Variants in ZNF169 observed in about 807,000 individuals in gnomAD.
The protein encoded by ZNF169 is zinc finger protein 169.
Under a neutral mutation model 12.0 loss-of-function variants are expected in ZNF169, and 11 were observed. The ratio of observed to expected loss-of-function variants is 0.92; its 90% CI spans 0.58 to 1.52. The LOEUF is 1.52. ZNF169 is among the 40% of genes most tolerant of loss of function. The pLI is 0.00. For missense variants in ZNF169, 722 were observed against 744.0 expected, an observed-to-expected ratio of 0.97 and a Z score of 0.34; for synonymous variants, 302 against 286.5, an observed-to-expected ratio of 1.05 and a Z score of -0.55.
chr9:94,300,760 C>G lies in ZNF169; in HGVS notation c.1202C>G (p.Pro401Arg), dbSNP rs775503911. ...CAGGTCACACACTCAGGAGAGAAGC[C>G]TTATGTCTGTGCTGAGTGTGGGCAC... ...SHQVTHSGEK[P>R]YVCAECGHSF... is the part of the protein sequence containing the mutation. The change falls in exon 5 of 5, where the codon CCT (proline) becomes CGT (arginine). Residue 401 changes from proline (P) to arginine (R), a missense_variant. By Grantham distance (103) the Pro-to-Arg change is moderately radical. Transcript: ENST00000395395. The G allele has an allele frequency of 6.2e-6, 10 of 1,613,626 alleles. No homozygotes were observed. In the South Asian group the frequency reaches 1.1e-4, roughly 18 times the overall value.
At chr9:94,261,091 G>C (rs368376774) in intron 1 of ZNF169, among the ~76,000 whole-genome samples, 1 of 151,822 alleles carries the variant, frequency 6.6e-6, no homozygotes, top group African/African-American at 2.4e-5. Context: ...GAGTGCAGTG[G>C]GGTGGCGCGG....
chr9:94,301,189 G>A lies in ZNF169; in HGVS notation c.1631G>A (p.Cys544Tyr), dbSNP rs1245828950. The part of the protein sequence containing the change: ...RTHSGEKPCI[C>Y]DECGRGFGFK... ...CACTCAGGAGAGAAGCCCTGCATTTGCGATGAATGTGGGCGCGGCTTTGGC... is the reference window on the plus strand; with the variant it reads ...CACTCAGGAGAGAAGCCCTGCATTTACGATGAATGTGGGCGCGGCTTTGGC... Residue 544 changes from cysteine to tyrosine, a missense_variant, in exon 5 of 5, where the codon TGC becomes TAC. Transcript: ENST00000395395. 1 of 1,614,224 alleles carries A rather than the reference G, an allele frequency of 6.2e-7. No homozygotes were observed. Among genetic ancestry groups the A allele is most frequent in the South Asian group, 1.1e-5 (1 of 91,086 alleles).
chr9:94,281,309 A>T (rs927412065), intron 2 of ZNF169, among the ~76,000 whole-genome samples: 1 of 152,184 alleles, frequency 6.6e-6, no homozygotes, highest in Non-Finnish European at 1.5e-5. Context: ...GAAAAACCTG[A>T]CCTTTATGCA....
chr9:94,299,511 G>C (rs1481483116), intron 4 of ZNF169: 1 of 1,303,910 alleles, frequency 7.7e-7, no homozygotes, highest in Non-Finnish European at 9.7e-7. Context: ...CTCAGGCAAG[G>C]TTTAATAGGC....
chr9:94,270,726 AT>A (rs1830381438), intron 1 of ZNF169, among the ~76,000 whole-genome samples: 1 of 18,772 alleles, frequency 5.3e-5, no homozygotes, highest in Non-Finnish European at 2.4e-4. Flanking sequence ...ATAATATTAT[AT>A]ATTATATAAT....
At chr9:94,260,093 T>A (rs1444027190) in intron 1 of ZNF169, among the ~76,000 whole-genome samples, 2 of 142,940 alleles carry the variant, frequency 1.4e-5, no homozygotes, top group Non-Finnish European at 3.1e-5. Context: ...TTGGTTTTTG[T>A]TTTGTTTTGT....
At chr9:94,291,135 A>C (rs1415279352) in intron 2 of ZNF169, among the ~76,000 whole-genome samples, 1 of 136,768 alleles carries the variant, frequency 7.3e-6, no homozygotes, top group African/African-American at 2.7e-5. Context: ...GCTCACTGCA[A>C]CCTCCGCCTC....
intron 2 of ZNF169, among the ~76,000 whole-genome samples, chr9:94,280,735 C>T (rs1384976493): frequency 6.6e-6 from 1 of 152,028 alleles, no homozygotes; most frequent in Admixed American, 6.6e-5. Flanking sequence ...AGGGTTGGAC[C>T]GCACAGTCTA....
Position 94,300,366 on chromosome 9 carries a change from C to T in ZNF169, c.808C>T (p.Arg270Trp), listed in dbSNP as rs184384529. Residue 270 changes from arginine to tryptophan, a missense_variant, in exon 5 of 5, where the codon CGG (arginine) becomes TGG (tryptophan). By Grantham distance (101) the Arg-to-Trp change is moderately radical. Transcript: ENST00000395395. ...ATACCTGTGTCCTGAGTGTGGGCGT[C>T]GGTTTAGCCAGAAGGCCTCCCTCTC... ...KPYLCPECGR[R>W]FSQKASLSIH... 1.6e-5 allele frequency: 26 copies of T among 1,594,876 alleles called. No individual in the cohort carries two copies. Among genetic ancestry groups the T allele is most frequent in the Non-Finnish European group, 1.9e-5 (22 of 1,172,284 alleles).
intron 1 of ZNF169, among the ~76,000 whole-genome samples, chr9:94,267,728 A>G (rs898495245): frequency 1.3e-5 from 2 of 152,232 alleles, no homozygotes; most frequent in African/African-American, 4.8e-5. Context: ...TGTGCTTGAT[A>G]TTAATGAACA....
Position 94,300,539 on chromosome 9 carries a change from T to C in ZNF169, c.981T>C (p.Phe327=). The C allele has an allele frequency of 3.7e-6, 6 of 1,613,892 alleles. No homozygotes were observed. Among genetic ancestry groups the C allele is most frequent in the Non-Finnish European group, 5.1e-6 (6 of 1,179,950 alleles). The change falls in exon 5 of 5, where the codon TTT becomes TTC. Residue 327 remains phenylalanine (F), a synonymous_variant. Transcript: ENST00000395395. ...PFVCQECGRG[F]RQKIALLLHQ... is the part of the protein sequence containing the mutation. ...TATGTCAGGAGTGTGGGCGAGGCTT[T>C]CGCCAGAAGATAGCCCTCCTTCTAC...
chr9:94,290,416 C>T (rs894993516), intron 2 of ZNF169, among the ~76,000 whole-genome samples: 1 of 152,184 alleles, frequency 6.6e-6, no homozygotes, highest in African/African-American at 2.4e-5. Flanking sequence ...CCCCACTCCC[C>T]CCAGCCCCTG....
intron 2 of ZNF169, among the ~76,000 whole-genome samples, chr9:94,280,387 T>C (rs778564475): frequency 1.1e-4 from 16 of 152,190 alleles, no homozygotes; most frequent in Non-Finnish European, 2.2e-4. Flanking sequence ...ACATGGAATA[T>C]TGGCTTATGT....
intron 2 of ZNF169, among the ~76,000 whole-genome samples, chr9:94,284,272 A>C (rs909465180): frequency 2.6e-5 from 4 of 151,602 alleles, no homozygotes; most frequent in African/African-American, 9.7e-5. Context: ...TAAAAATACA[A>C]AAATTAGCCG....
At chr9:94,276,908 G>A (rs752527580) in intron 1 of ZNF169, among the ~76,000 whole-genome samples, 12 of 152,078 alleles carry the variant, frequency 7.9e-5, no homozygotes, top group Non-Finnish European at 1.6e-4. Flanking sequence ...TTGACAAAAA[G>A]AGTCAAGCTC....
chr9:94,293,115 G>A (rs980009540), intron 4 of ZNF169, 46 bp downstream of exon 4: 2 of 1,538,180 alleles, frequency 1.3e-6, no homozygotes, highest in Admixed American at 1.7e-5. Flanking sequence ...GCAGTGAGGA[G>A]CTCAGCAGGT....
Position 94,300,981 on chromosome 9 carries a change from A to G in ZNF169, c.1423A>G (p.Arg475Gly), listed in dbSNP as rs1831059483. The G allele has an allele frequency of 3.1e-6, 5 of 1,607,390 alleles. No homozygotes were observed. In the East Asian group the frequency reaches 6.7e-5, roughly 22 times the overall value. ...CTTTGGTCAGAAGGTCACCCTCATC[A>G]GACACCAGAGGACACACACAGGGGA... ...RGFGQKVTLIRHQRTHTGEKP... is the reference protein window; with the variant it reads ...RGFGQKVTLIGHQRTHTGEKP... Residue 475 changes from arginine (R) to glycine (G), a missense_variant, in exon 5 of 5, where the codon AGA becomes GGA. By Grantham distance (125) the Arg-to-Gly change is moderately radical. Coordinates refer to ENST00000395395, the MANE Select transcript of ZNF169 (RefSeq NM_194320.4).
chr9:94,271,596 T>C (rs1459462069), intron 1 of ZNF169, among the ~76,000 whole-genome samples: 1 of 151,544 alleles, frequency 6.6e-6, no homozygotes, highest in East Asian at 2.0e-4. Flanking sequence ...GGTGCACACC[T>C]GTAGTCCCAG....
At chr9:94,282,845 T>A (rs572937065) in intron 2 of ZNF169, among the ~76,000 whole-genome samples, 216 of 152,220 alleles carry the variant, frequency 1.4e-3, no homozygotes, top group Non-Finnish European at 2.5e-3. Context: ...TTAAAAAAAA[T>A]TTTTTGGTTG....
Sources: allele counts gnomAD v4.1 joint callset (sites outside exome capture counted in the v4.1 genomes callset), GRCh38; gene constraint gnomAD v4.1.1; transcripts MANE v1.5; gene names NCBI Gene and HGNC (gene_info 2026-07-23, HGNC 2026-07-21).